DHX57: variants seen among roughly 807,000 people sequenced by gnomAD.
The protein encoded by DHX57 is putative ATP-dependent RNA helicase DHX57.
Under a neutral mutation model 156.2 loss-of-function variants are expected in DHX57, and 105 were observed. That is an observed-to-expected ratio of 0.67 (90% CI 0.57 to 0.79). The LOEUF (loss-of-function observed/expected upper bound fraction) is 0.79, where lower values mean the gene tolerates loss of function less well. DHX57 is among the 30% of genes least tolerant of loss of function. The probability of loss-of-function intolerance (pLI) is 0.00; values close to 1 mark genes in which losing one functional copy is unlikely to be tolerated. For missense variants in DHX57, 1,847 were observed against 1,661.9 expected (o/e 1.11, Z -1.94); for synonymous variants, 704 against 595.6 (o/e 1.18, Z -2.65).
At chr2:38,798,547 C>A (rs769079599) in intron 23 of DHX57, 105 bp from the exon 24 acceptor site, 1 of 1,286,362 alleles carries the variant, frequency 7.8e-7, no homozygotes, top group East Asian at 2.5e-5. Context: ...ATTTCTGGTA[C>A]TAATTTTAAC....
chr2:38,855,012 A>C, intron 8 of DHX57, 45 bp downstream of exon 8: 2 of 1,613,358 alleles, frequency 1.2e-6, no homozygotes, highest in African/African-American at 1.3e-5. Context: ...TTATACCTAA[A>C]AACCATAAAT....
chr2:38,818,672 G>A (rs1226078679), intron 19 of DHX57, among the ~76,000 whole-genome samples: 3 of 152,176 alleles, frequency 2.0e-5, no homozygotes, highest in Non-Finnish European at 4.4e-5. Flanking sequence ...TCACCACAAA[G>A]AGGAAAAGGA....
intron 1 of DHX57, among the ~76,000 whole-genome samples, chr2:38,873,271 G>A (rs1047615308): frequency 3.3e-5 from 5 of 152,250 alleles, no homozygotes; most frequent in African/African-American, 4.8e-5. Flanking sequence ...GATTACAGGC[G>A]TGAGCCACTG....
At chr2:38,875,388 T>C (rs1464490372) in intron 1 of DHX57, among the ~76,000 whole-genome samples, 1 of 152,120 alleles carries the variant, frequency 6.6e-6, no homozygotes, top group Non-Finnish European at 1.5e-5. Flanking sequence ...CATCCAGATA[T>C]CCAGATCTCG....
rs1489053235 is a variant in DHX57 at position 38,826,563 on chromosome 2, G to A, written c.2766C>T (p.Ile922=). 1.2e-6 allele frequency: 2 copies of A among 1,613,918 alleles called. No homozygotes were observed. Among genetic ancestry groups the A allele is most frequent in the Non-Finnish European group, 8.5e-7 (1 of 1,179,972 alleles). Residue 922 remains isoleucine (I), a synonymous_variant, in exon 15 of 24, where the codon ATC becomes ATT. Coordinates refer to ENST00000457308, the MANE Select transcript of DHX57 (RefSeq NM_198963.3). ...AATCGATAACATAGACAACATCATC[G>A]ATGGTTATGGATGTCTCAGCAATGT... ...STNIAETSIT[I]DDVVYVIDSG...
intron 21 of DHX57, among the ~76,000 whole-genome samples, chr2:38,807,842 C>T (rs1375662337): frequency 1.3e-5 from 2 of 149,118 alleles, no homozygotes; most frequent in Admixed American, 1.3e-4. Flanking sequence ...GAAGTGGTTT[C>T]TCCATGTTGG....
rs190166634 is a variant in DHX57 at position 38,846,523 on chromosome 2, T to C, written c.2219+496A>G. Among the ~76,000 whole-genome samples, 120 of 149,150 alleles carry C rather than the reference T, an allele frequency of 8.0e-4. 4 individuals carry two copies. In the South Asian group the frequency reaches 0.024, roughly 30 times the overall value. On this transcript the variant is annotated intron_variant, in intron 11 of 23. Coordinates refer to ENST00000457308, the MANE Select transcript of DHX57 (RefSeq NM_198963.3). Reference sequence around the variant, plus strand: ...AGTTCAGCTACTCAGGAGGCTGAAGTAGAAGGACTGCTTGAGCCAGGTATT... The same window carrying C: ...AGTTCAGCTACTCAGGAGGCTGAAGCAGAAGGACTGCTTGAGCCAGGTATT...
At chr2:38,836,562 T>C (rs1671667956) in intron 13 of DHX57, among the ~76,000 whole-genome samples, 1 of 151,886 alleles carries the variant, frequency 6.6e-6, no homozygotes, top group African/African-American at 2.4e-5. Flanking sequence ...TCATGTGAGG[T>C]CAGGAGTTCA....
chr2:38,860,008 G>C (rs879082684), intron 5 of DHX57, among the ~76,000 whole-genome samples: 1 of 151,876 alleles, frequency 6.6e-6, no homozygotes, highest in African/African-American at 2.4e-5. Flanking sequence ...TTCTAGAGAT[G>C]GGGTCTCATT....
chr2:38,853,818 TA>T, intron 9 of DHX57: 1 of 312,468 alleles, frequency 3.2e-6, no homozygotes, highest in Non-Finnish European at 6.0e-6. Flanking sequence ...GTGTGAAGTA[TA>T]CCTTCTAACC....
chr2:38,861,556 A>C lies in DHX57; in HGVS notation c.854T>G (p.Phe285Cys). ...GLELEYLTSR[F>C]RKSKPKESTK... The stretch of plus-strand genomic sequence containing the variant: ...ACTTTCTTTTGGCTTGGATTTGCGG[A>C]ATCTACTTGTCAGATACTCCAGTTC... Residue 285 changes from phenylalanine to cysteine, a missense_variant, in exon 5 of 24, where the codon TTC (phenylalanine) becomes TGC (cysteine). Physicochemically the swap from Phe to Cys is radical, Grantham distance 205. Coordinates refer to ENST00000457308, the MANE Select transcript of DHX57 (RefSeq NM_198963.3). The C allele has an allele frequency of 6.2e-7, 1 of 1,614,160 alleles. No individual in the cohort carries two copies.
intron 23 of DHX57, among the ~76,000 whole-genome samples, chr2:38,802,136 C>T (rs1669711691): frequency 1.3e-5 from 2 of 152,178 alleles, no homozygotes; most frequent in South Asian, 4.1e-4. Flanking sequence ...AGCACCCTCA[C>T]TTTACAGCTT....
intron 12 of DHX57, among the ~76,000 whole-genome samples, chr2:38,839,702 A>T (rs1671877967): frequency 6.6e-6 from 1 of 151,584 alleles, no homozygotes; most frequent in African/African-American, 2.4e-5. Flanking sequence ...GCTGGGCGAC[A>T]GAGCAAGACT....
chr2:38,812,156 C>G (rs1410159250), intron 21 of DHX57, among the ~76,000 whole-genome samples: 1 of 152,172 alleles, frequency 6.6e-6, no homozygotes, highest in East Asian at 1.9e-4. Context: ...CTTCACCCAG[C>G]TTCCACCAAC....
chr2:38,861,844 A>G lies in DHX57; in HGVS notation c.573-7T>C, dbSNP rs1481079254. ...TTCAGTATTGAAACCATACCTGTCA[A>G]GGGCAAAACATGACAAAAATGACAC... On this transcript the variant is annotated splice_polypyrimidine_tract_variant and splice_region_variant and intron_variant, in intron 4 of 23. Transcript: ENST00000457308. 9.6e-6 allele frequency: 15 copies of G among 1,567,862 alleles called. No individual in the cohort carries two copies. The highest frequency in any genetic ancestry group is 1.4e-5 in the African/African-American group (1 of 72,986).
At position 38,806,768 on chromosome 2, in the gene DHX57, C is replaced by T. The variant is rs147474518; in HGVS notation, c.3682-75G>A. On this transcript the variant is annotated intron_variant, in intron 21 of 23. Coordinates refer to ENST00000457308, the MANE Select transcript of DHX57 (RefSeq NM_198963.3). ...TAGAAAGTATCTCTTGGCACAAAAG[C>T]ACAAAACCAGTCTTGCTCAGTCTTG... The T allele has an allele frequency of 1.5e-3, 2,130 of 1,443,064 alleles. 25 individuals carry two copies. In the African/African-American group the frequency reaches 0.026, roughly 17 times the overall value. 89.4% of individuals were successfully genotyped at this position (1,443,064 alleles called of 1,614,324 possible).
chr2:38,821,166 T>C (rs1010899398), intron 17 of DHX57, among the ~76,000 whole-genome samples: 2 of 151,868 alleles, frequency 1.3e-5, no homozygotes, highest in African/African-American at 2.4e-5. Flanking sequence ...AGAAAATACT[T>C]CCAGATGAAT....
At chr2:38,836,790 A>AG (rs1244332732) in intron 13 of DHX57, among the ~76,000 whole-genome samples, 4 of 149,128 alleles carry the variant, frequency 2.7e-5, no homozygotes, top group Non-Finnish European at 6.0e-5. Flanking sequence ...AAAAAAAAAA[A>AG]AAAAAAAGAA....
chr2:38,832,862 T>C (rs998018600), intron 13 of DHX57, among the ~76,000 whole-genome samples: 1 of 152,062 alleles, frequency 6.6e-6, no homozygotes, highest in African/African-American at 2.4e-5. Flanking sequence ...TTTTGATCTA[T>C]TATTCCATTT....
Sources: allele counts gnomAD v4.1 joint callset (sites outside exome capture counted in the v4.1 genomes callset), GRCh38; gene constraint gnomAD v4.1.1; transcripts MANE v1.5; gene names NCBI Gene and HGNC (gene_info 2026-07-23, HGNC 2026-07-21).